Variants in DDR2 observed in about 807,000 individuals in gnomAD.
The protein encoded by DDR2 is discoidin domain receptor tyrosine kinase 2.
DDR2 carries 27 observed loss-of-function variants against 94.9 expected under a neutral mutation model. The ratio of observed to expected loss-of-function variants is 0.28; its 90% CI spans 0.21 to 0.39. The LOEUF (loss-of-function observed/expected upper bound fraction) is 0.39. Ranked by LOEUF, DDR2 falls within the 10% of genes least tolerant of loss-of-function variation. The pLI is 1.00. For synonymous variants in DDR2, 382 were observed against 377.2 expected (o/e 1.01, Z -0.15); for missense variants, 783 against 1,076.0 (o/e 0.73, Z 3.81).
Position 162,786,553 on chromosome 1 carries a change from AT to A in DDR2, c.*6309del, listed in dbSNP as rs1432611640. ...AGATGATAAATTGTAAATAACAATG[AT>A]TAAAGAGTCATGCTACTGATGGATC... On this transcript the variant is annotated 3_prime_UTR_variant, in exon 18 of 18. Coordinates refer to ENST00000367921, the MANE Select transcript of DDR2 (RefSeq NM_006182.4). 3.3e-5 allele frequency: 5 copies of A among 152,340 alleles called. No individual in the cohort carries two copies. In the East Asian group the frequency reaches 7.7e-4, roughly 23 times the overall value. The allele number at this position is 152,340 out of a possible 1,614,324, so 9.4% of individuals were successfully genotyped here.
intron 2 of DDR2, among the ~76,000 whole-genome samples, chr1:162,706,185 G>A (rs1378147799): frequency 6.6e-6 from 1 of 152,106 alleles, no homozygotes; most frequent in African/African-American, 2.4e-5. Flanking sequence ...AGATGAACAG[G>A]TCAGCAGCCA....
intron 14 of DDR2, among the ~76,000 whole-genome samples, chr1:162,775,307 G>C (rs1473018885): frequency 6.6e-6 from 1 of 151,520 alleles, no homozygotes; most frequent in Non-Finnish European, 1.5e-5. Flanking sequence ...GATTTTCAGT[G>C]AAACATTTTA....
intron 8 of DDR2, among the ~76,000 whole-genome samples, chr1:162,760,492 G>C (rs916217999): frequency 1.2e-5 from 1 of 85,514 alleles, no homozygotes. Context: ...AACTATATAT[G>C]TATATACATA....
In DDR2 at chr1:162,699,239, A is replaced by T. The variant is rs144802966; in HGVS notation, c.-27-19798A>T. Reference sequence around the variant, plus strand: ...AACCTGTGTGCAGAGTTGAATTGAAACTTACCTTGTTAGCATTATAAATCT... The same window carrying T: ...AACCTGTGTGCAGAGTTGAATTGAATCTTACCTTGTTAGCATTATAAATCT... On this transcript the variant is annotated intron_variant, in intron 2 of 17. Coordinates refer to ENST00000367921, the MANE Select transcript of DDR2 (RefSeq NM_006182.4). 4.0e-3 allele frequency among the ~76,000 whole-genome samples: 605 copies of T among 152,306 alleles called. 3 individuals are homozygous for T. The highest frequency in any genetic ancestry group is 0.014 in the African/African-American group (563 of 41,572).
At chr1:162,643,090 T>G (rs1178553700) in intron 1 of DDR2, among the ~76,000 whole-genome samples, 1 of 152,144 alleles carries the variant, frequency 6.6e-6, no homozygotes, top group Admixed American at 6.5e-5. Context: ...TAAAGAGGAT[T>G]GATGGTTTTC....
chr1:162,754,764 G>A lies in DDR2; in HGVS notation c.326G>A (p.Gly109Asp), dbSNP rs2102133951. The A allele has an allele frequency of 6.2e-7, 1 of 1,614,068 alleles. No individual in the cohort carries two copies. The highest frequency in any genetic ancestry group is 8.5e-7 in the Non-Finnish European group (1 of 1,180,008). ...GGGACCCAGGGGCGCCATGCAGGAG[G>A]TCATGGCATCGAGTTTGCCCCCATG... ...LVGTQGRHAG[G>D]HGIEFAPMYK... The change falls in exon 5 of 18, where the codon GGT (glycine) becomes GAT (aspartate). Residue 109 changes from glycine to aspartate, a missense_variant. Physicochemically the swap from Gly to Asp is moderately conservative, Grantham distance 94. Coordinates refer to ENST00000367921, the MANE Select transcript of DDR2 (RefSeq NM_006182.4).
intron 9 of DDR2, among the ~76,000 whole-genome samples, chr1:162,763,856 C>T (rs918401311): frequency 4.6e-5 from 7 of 152,034 alleles, no homozygotes; most frequent in African/African-American, 1.7e-4. Flanking sequence ...TGATTTTATA[C>T]GTTCATCTCT....
Position 162,759,884 on chromosome 1 carries a change from T to C in DDR2, c.760T>C (p.Tyr254His), listed in dbSNP as rs1571302027. 6.2e-7 allele frequency: 1 copy of C among 1,614,190 alleles called. No homozygotes were observed. Among genetic ancestry groups the C allele is most frequent in the Non-Finnish European group, 8.5e-7 (1 of 1,180,024 alleles). The change falls in exon 8 of 18, where the codon TAT becomes CAT. Residue 254 changes from tyrosine to histidine, a missense_variant. Physicochemically the swap from Tyr to His is moderately conservative, Grantham distance 83. This residue lies in a region of DDR2 where 519 missense variants were observed against 647.9 expected (regional missense o/e 0.80). Transcript: ENST00000367921. The part of the protein sequence containing the change: ...QTHEYHVWPG[Y>H]DYVGWRNESA... ...CCATGAATACCACGTGTGGCCCGGC[T>C]ATGACTATGTGGGCTGGCGGAACGA...
At chr1:162,759,346 A>G (rs917860039) in intron 7 of DDR2, among the ~76,000 whole-genome samples, 5 of 152,102 alleles carry the variant, frequency 3.3e-5, no homozygotes, top group Non-Finnish European at 7.4e-5. Context: ...CATTTATATG[A>G]TAGTGGGGCA....
chr1:162,649,678 G>A (rs1452974617), intron 1 of DDR2, among the ~76,000 whole-genome samples: 1 of 152,220 alleles, frequency 6.6e-6, no homozygotes, highest in East Asian at 1.9e-4. Context: ...GATACGGTCT[G>A]AACCCCTGCA....
At chr1:162,732,900 T>C (rs1039211664) in intron 3 of DDR2, among the ~76,000 whole-genome samples, 6 of 152,358 alleles carry the variant, frequency 3.9e-5, no homozygotes, top group African/African-American at 1.4e-4. Flanking sequence ...AGCTGGGGAC[T>C]GGTGGCAGCT....
intron 3 of DDR2, 115 bp from the exon 4 acceptor site, chr1:162,752,980 G>A: frequency 2.2e-6 from 2 of 894,826 alleles, no homozygotes; most frequent in Non-Finnish European, 1.8e-6. Context: ...AGGAATTTAG[G>A]AAGATGTAAA....
chr1:162,786,271 G>A lies in DDR2; in HGVS notation c.*6025G>A, dbSNP rs1371163456. The A allele has an allele frequency of 3.9e-5, 6 of 152,174 alleles. No homozygotes were observed. The East Asian group carries it at 1.2e-3, about 29-fold the overall frequency. The allele number at this position is 152,174 out of a possible 1,614,324, so 9.4% of individuals were successfully genotyped here. On this transcript the variant is annotated 3_prime_UTR_variant, in exon 18 of 18. Transcript: ENST00000367921. ...TCCTATTCTTCTACCTTGTTGCCTG[G>A]TAACTTTTTCTGAGGACTGAGTTTC...
intron 1 of DDR2, among the ~76,000 whole-genome samples, chr1:162,652,423 CAG>C (rs1421674160): frequency 6.6e-6 from 1 of 152,164 alleles, no homozygotes; most frequent in Non-Finnish European, 1.5e-5. Context: ...TTGAATCAGA[CAG>C]ACGACAGACA....
chr1:162,661,660 C>T (rs1288906933), intron 2 of DDR2, among the ~76,000 whole-genome samples: 9 of 152,244 alleles, frequency 5.9e-5, no homozygotes, highest in East Asian at 1.9e-4. Context: ...ACAGTGAAGC[C>T]GGAGGTTGTA....
intron 3 of DDR2, among the ~76,000 whole-genome samples, chr1:162,730,824 C>T (rs1471833349): frequency 6.6e-6 from 1 of 152,188 alleles, no homozygotes; most frequent in African/African-American, 2.4e-5. Context: ...CCACACAGCC[C>T]CAGCATTTGG....
chr1:162,755,403 T>C, intron 6 of DDR2, 100 bp downstream of exon 6: 2 of 1,468,558 alleles, frequency 1.4e-6, no homozygotes, highest in African/African-American at 2.8e-5. Context: ...CAGTTACTCC[T>C]GGAATGGTGA....
At chr1:162,666,057 A>C (rs1558014095) in intron 2 of DDR2, among the ~76,000 whole-genome samples, 1 of 152,278 alleles carries the variant, frequency 6.6e-6, no homozygotes, top group East Asian at 1.9e-4. Flanking sequence ...CCATGAAGGA[A>C]GGAGGTTGAG....
intron 1 of DDR2, among the ~76,000 whole-genome samples, chr1:162,642,729 G>A (rs1657202135): frequency 6.6e-6 from 1 of 152,066 alleles, no homozygotes; most frequent in Non-Finnish European, 1.5e-5. Context: ...TTCCTCATGG[G>A]TGTGTTCAGT....
Sources: allele counts gnomAD v4.1 joint callset (sites outside exome capture counted in the v4.1 genomes callset), GRCh38; gene constraint gnomAD v4.1.1; regional missense constraint gnomAD v4.1.1; transcripts MANE v1.5; gene names NCBI Gene and HGNC (gene_info 2026-07-23, HGNC 2026-07-21).